The following MBD5 variants were observed in gnomAD, a reference collection of about 807,000 sequenced individuals.
MBD5 encodes methyl-CpG-binding domain protein 5.
Under a neutral mutation model 117.3 loss-of-function variants are expected in MBD5, and 13 were observed. The observed-to-expected ratio is 0.11, with a 90% CI of 0.07 to 0.18. MBD5 has a LOEUF of 0.18. MBD5 is among the 10% of genes least tolerant of loss of function. The pLI is 1.00. For synonymous variants in MBD5, 727 were observed against 766.4 expected, an observed-to-expected ratio of 0.95 and a Z score of 0.85; for missense variants, 1,879 against 2,093.8, an observed-to-expected ratio of 0.90 and a Z score of 2.00.
intron 1 of MBD5, among the ~76,000 whole-genome samples, chr2:148,045,437 C>T (rs957299455): frequency 2.6e-5 from 4 of 152,144 alleles, no homozygotes; most frequent in African/African-American, 9.7e-5. Context: ...TTTGTCTCCT[C>T]TCTTACGAAG....
chr2:148,239,249 G>T (rs972475238), intron 3 of MBD5, among the ~76,000 whole-genome samples: 3 of 152,004 alleles, frequency 2.0e-5, no homozygotes, highest in Non-Finnish European at 2.9e-5. Flanking sequence ...CCATTTCTTG[G>T]ACATCGACAG....
intron 6 of MBD5, 28 bp from the exon 7 acceptor site, chr2:148,463,711 T>C (rs1574453146): frequency 1.2e-6 from 2 of 1,612,182 alleles, no homozygotes; most frequent in Middle Eastern, 3.3e-4. Context: ...TACAGACATA[T>C]TCTAAACAAA....
chr2:148,213,096 G>A (rs1054527586), intron 2 of MBD5, among the ~76,000 whole-genome samples: 7 of 152,078 alleles, frequency 4.6e-5, no homozygotes, highest in Admixed American at 3.9e-4. Context: ...AGGAACTGCC[G>A]TTTTTCTCTT....
intron 1 of MBD5, among the ~76,000 whole-genome samples, chr2:148,056,855 CT>C (rs1369521091): frequency 2.6e-5 from 4 of 151,288 alleles, no homozygotes; most frequent in African/African-American, 9.7e-5. Flanking sequence ...ATTAAGGTTG[CT>C]TTTTGTGTGT....
intron 6 of MBD5, among the ~76,000 whole-genome samples, chr2:148,463,488 T>G (rs892578933): frequency 2.6e-5 from 4 of 152,182 alleles, no homozygotes; most frequent in African/African-American, 9.6e-5. Flanking sequence ...TTATCAGATA[T>G]TATACCTTTT....
chr2:148,230,412 G>C (rs1699955081), intron 2 of MBD5, among the ~76,000 whole-genome samples: 1 of 152,110 alleles, frequency 6.6e-6, no homozygotes, highest in African/African-American at 2.4e-5. Flanking sequence ...TGTGTTGCAT[G>C]CTGCCTGGCC....
At chr2:148,324,451 T>G (rs571900934) in intron 3 of MBD5, among the ~76,000 whole-genome samples, 72 of 152,308 alleles carry the variant, frequency 4.7e-4, no homozygotes, top group South Asian at 1.5e-3. Context: ...TCACAATATT[T>G]ATTCTTCCTA....
At chr2:148,412,921 C>T (rs537286323) in intron 4 of MBD5, among the ~76,000 whole-genome samples, 1 of 152,080 alleles carries the variant, frequency 6.6e-6, no homozygotes, top group South Asian at 2.1e-4. Flanking sequence ...GGTTTGGCTT[C>T]CTGTCTTTCT....
intron 4 of MBD5, among the ~76,000 whole-genome samples, chr2:148,436,599 C>T (rs568026591): frequency 2.0e-5 from 3 of 151,892 alleles, no homozygotes; most frequent in South Asian, 2.1e-4. Flanking sequence ...CTCGAACTCC[C>T]GACCTCAGGT....
intron 1 of MBD5, among the ~76,000 whole-genome samples, chr2:148,089,170 G>A (rs906288174): frequency 9.2e-5 from 14 of 151,920 alleles, no homozygotes; most frequent in African/African-American, 1.2e-4. Context: ...GTAAAGATAC[G>A]TGCACCTAAC....
At chr2:148,037,617 A>T (rs1295522952) in intron 1 of MBD5, among the ~76,000 whole-genome samples, 2 of 151,976 alleles carry the variant, frequency 1.3e-5, no homozygotes, top group Non-Finnish European at 2.9e-5. Context: ...TATTTTCATA[A>T]GCAGAAATTT....
intron 1 of MBD5, among the ~76,000 whole-genome samples, chr2:148,089,738 C>T (rs1480515916): frequency 1.3e-5 from 2 of 151,842 alleles, no homozygotes; most frequent in Non-Finnish European, 2.9e-5. Context: ...ACATGAAAAA[C>T]TCTGAAAGAG....
chr2:148,050,911 T>G (rs1298217212), intron 1 of MBD5, among the ~76,000 whole-genome samples: 2 of 152,128 alleles, frequency 1.3e-5, no homozygotes, highest in Non-Finnish European at 2.9e-5. Context: ...TTCCTTATAT[T>G]TTCATATGAA....
At chr2:148,134,209 ATGAC>A (rs140818870) in intron 1 of MBD5, among the ~76,000 whole-genome samples, 6 of 134,676 alleles carry the variant, frequency 4.5e-5, no homozygotes, top group East Asian at 4.2e-4. Context: ...TGATAGATAG[ATGAC>A]AGATAGATAG....
intron 3 of MBD5, among the ~76,000 whole-genome samples, chr2:148,326,439 T>A (rs1164714170): frequency 6.6e-6 from 1 of 152,108 alleles, no homozygotes; most frequent in Non-Finnish European, 1.5e-5. Context: ...AGTGGGGTGT[T>A]AAAATCTCCC....
intron 1 of MBD5, among the ~76,000 whole-genome samples, chr2:148,058,622 T>A (rs971466626): frequency 6.6e-6 from 1 of 152,114 alleles, no homozygotes; most frequent in Non-Finnish European, 1.5e-5. Context: ...AATGACTTCA[T>A]TAAAAATAAT....
At chr2:148,512,053 G>C (rs1246206602) in intron 13 of MBD5, among the ~76,000 whole-genome samples, 1 of 152,192 alleles carries the variant, frequency 6.6e-6, no homozygotes, top group Non-Finnish European at 1.5e-5. Flanking sequence ...GTGTCGAAAT[G>C]CTGATTAAGC....
At chr2:148,282,721 G>T (rs986263062) in intron 3 of MBD5, among the ~76,000 whole-genome samples, 1 of 151,058 alleles carries the variant, frequency 6.6e-6, no homozygotes, top group African/African-American at 2.4e-5. Flanking sequence ...AATAATTTTA[G>T]ATATATATAT....
At chr2:148,495,091 A>G (rs934520098) in intron 11 of MBD5, among the ~76,000 whole-genome samples, 7 of 152,374 alleles carry the variant, frequency 4.6e-5, no homozygotes, top group African/African-American at 1.7e-4. Flanking sequence ...CTCAGTGACC[A>G]GGAATAAGAC....
Sources: allele counts gnomAD v4.1 joint callset (sites outside exome capture counted in the v4.1 genomes callset), GRCh38; gene constraint gnomAD v4.1.1; transcripts MANE v1.5; gene names NCBI Gene and HGNC (gene_info 2026-07-23, HGNC 2026-07-21).